POLQ: variants seen among roughly 807,000 people sequenced by gnomAD.
The protein encoded by POLQ is epididymis secretory sperm binding protein.
Under a neutral mutation model 259.2 loss-of-function variants are expected in POLQ, and 233 were observed. That is an observed-to-expected ratio of 0.90 (90% CI 0.81 to 1.00). The LOEUF is 1.00. Ranked by LOEUF, POLQ falls within the 50% of genes least tolerant of loss-of-function variation. The pLI is 0.00. For missense variants in POLQ, 2,871 were observed against 3,051.6 expected, an observed-to-expected ratio of 0.94 and a Z score of 1.39; for synonymous variants, 1,025 against 1,048.8, an observed-to-expected ratio of 0.98 and a Z score of 0.44.
intron 28 of POLQ, among the ~76,000 whole-genome samples, chr3:121,433,379 T>TA (rs1264892874): frequency 2.0e-5 from 3 of 152,144 alleles, no homozygotes; most frequent in Non-Finnish European, 4.4e-5. Flanking sequence ...ACCAGGGAGG[T>TA]ATGGGGCCTG....
rs532438012 is a variant in POLQ, at chr3:121,434,272, A to G, written c.7544-1239T>C. On this transcript the variant is annotated intron_variant, in intron 28 of 29. Coordinates refer to ENST00000264233, the MANE Select transcript of POLQ (RefSeq NM_199420.4). ...TGCTACTTTAAGCTGGCATGACATC[A>G]TGAAGCCATCCTCAGCGACAGAGCC... Among the ~76,000 whole-genome samples, 29 of 152,314 alleles carry G rather than the reference A, an allele frequency of 1.9e-4. No homozygotes were observed. The South Asian group carries it at 6.0e-3, about 32-fold the overall frequency.
At chr3:121,459,378 T>TG (rs2108783681) in intron 25 of POLQ, among the ~76,000 whole-genome samples, 1 of 144,694 alleles carries the variant, frequency 6.9e-6, no homozygotes, top group African/African-American at 2.6e-5. Context: ...GATTTTTTTT[T>TG]TTTTTTTTTT....
intron 26 of POLQ, among the ~76,000 whole-genome samples, chr3:121,442,215 T>C (rs1277872632): frequency 6.6e-6 from 1 of 152,228 alleles, no homozygotes; most frequent in Admixed American, 6.5e-5. Flanking sequence ...TGAGATATTA[T>C]GATACAGGCA....
chr3:121,487,210 T>C (rs1441076008), intron 16 of POLQ, 92 bp downstream of exon 16: 6 of 690,832 alleles, frequency 8.7e-6, no homozygotes, highest in Non-Finnish European at 1.4e-5. Context: ...GAATAGATTA[T>C]ATTTAATATC....
intron 10 of POLQ, 86 bp from the exon 11 acceptor site, chr3:121,510,329 G>C (rs552766508): frequency 8.5e-5 from 75 of 885,934 alleles, no homozygotes; most frequent in Non-Finnish European, 1.3e-4. Flanking sequence ...TGTAATCCCA[G>C]CACTTTGGGA....
At chr3:121,479,554 C>T (rs946576012) in intron 19 of POLQ, among the ~76,000 whole-genome samples, 14 of 152,138 alleles carry the variant, frequency 9.2e-5, no homozygotes, top group Middle Eastern at 3.4e-3. Flanking sequence ...CCTCCGCCTC[C>T]GGTATTCTCG....
chr3:121,488,338 G>A lies in POLQ; in HGVS notation c.4593C>T (p.Asp1531=), dbSNP rs1381936832. ...HFSDSLCLQE[D]LIKKSNVNEN... ...CATTTACATTTGATTTTTTAATTAG[G>A]TCTTCTTGTAGACACAGAGAATCAC... The change falls in exon 16 of 30, where the codon GAC becomes GAT. Residue 1531 remains aspartate, a synonymous_variant. Coordinates refer to ENST00000264233, the MANE Select transcript of POLQ (RefSeq NM_199420.4). The A allele has an allele frequency of 1.2e-6, 2 of 1,612,548 alleles. No individual in the cohort carries two copies. Among genetic ancestry groups the A allele is most frequent in the East Asian group, 4.5e-5 (2 of 44,864 alleles).
At chr3:121,451,679 G>A (rs1166041296) in intron 25 of POLQ, among the ~76,000 whole-genome samples, 1 of 152,224 alleles carries the variant, frequency 6.6e-6, no homozygotes, top group Non-Finnish European at 1.5e-5. Flanking sequence ...CTGGCCGTGT[G>A]AGGTGTCAGC....
intron 29 of POLQ, 22 bp from the exon 30 acceptor site, chr3:121,432,439 T>G: frequency 6.3e-7 from 1 of 1,597,844 alleles, no homozygotes; most frequent in Non-Finnish European, 8.5e-7. Flanking sequence ...AAAAATGTAG[T>G]TAACAAACTG....
At chr3:121,545,415 T>C (rs913688745) in intron 1 of POLQ, among the ~76,000 whole-genome samples, 4 of 152,190 alleles carry the variant, frequency 2.6e-5, no homozygotes, top group African/African-American at 7.2e-5. Context: ...TAAGGAGTAC[T>C]GGGTACTACC....
In POLQ at chr3:121,449,255, T is replaced by A. The variant is rs1395739280; in HGVS notation, c.7264+60A>T. The A allele has an allele frequency of 1.4e-5, 12 of 884,824 alleles. No homozygotes were observed. The East Asian group carries it at 3.0e-4, about 22-fold the overall frequency. 54.8% of individuals were successfully genotyped at this position (884,824 alleles called of 1,614,324 possible). A position where few individuals can be genotyped will look rare whatever the true frequency, so the allele number is the denominator to read the frequency against. ...TCAAAAGAAAATTCCATTACACAAA[T>A]TTTTAAAAATATAATATGGTAAGAT... is the stretch of plus-strand genomic sequence containing the variant. On this transcript the variant is annotated intron_variant, in intron 26 of 29. Transcript: ENST00000264233.
intron 12 of POLQ, among the ~76,000 whole-genome samples, chr3:121,501,547 T>C (rs2048168095): frequency 6.9e-6 from 1 of 145,944 alleles, no homozygotes; most frequent in Non-Finnish European, 1.5e-5. Flanking sequence ...TAGTCCCAGC[T>C]ACTTGGGAGG....
At chr3:121,455,530 A>G (rs932820638) in intron 25 of POLQ, among the ~76,000 whole-genome samples, 17 of 18,526 alleles carry the variant, frequency 9.2e-4, no homozygotes, top group Non-Finnish European at 1.8e-3. Flanking sequence ...AATAGACACA[A>G]AAAAAAAAGG....
Position 121,477,573 on chromosome 3 carries a change from T to G in POLQ, c.6212-840A>C, listed in dbSNP as rs116223776. Among the ~76,000 whole-genome samples the G allele has an allele frequency of 8.1e-3, 1,233 of 152,290 alleles. 15 individuals carry two copies. The highest frequency in any genetic ancestry group is 0.028 in the African/African-American group (1,171 of 41,558). ...AGAGGACCTGAAGCAAAGACAACTA[T>G]TTAATTTTATTTTAAGTGAAAGTCC... On this transcript the variant is annotated intron_variant, in intron 19 of 29. Transcript: ENST00000264233.
chr3:121,486,216 G>T (rs999623554), intron 16 of POLQ, among the ~76,000 whole-genome samples: 4 of 152,186 alleles, frequency 2.6e-5, no homozygotes, highest in Non-Finnish European at 4.4e-5. Flanking sequence ...ATGTAATTTT[G>T]TAATTACATA....
intron 24 of POLQ, among the ~76,000 whole-genome samples, chr3:121,466,328 T>C (rs922187727): frequency 4.1e-5 from 6 of 147,768 alleles, no homozygotes; most frequent in African/African-American, 1.3e-4. Context: ...AAAACTCTGT[T>C]GCACTTCAGC....
At chr3:121,469,185 C>CAA (rs36073350) in intron 22 of POLQ, among the ~76,000 whole-genome samples, 1,775 of 112,956 alleles carry the variant, frequency 0.016, 30 homozygotes, top group East Asian at 0.04. Context: ...GAGACTGTCT[C>CAA]AAAAAAAAAA....
chr3:121,510,965 C>T (rs556078698), intron 10 of POLQ, among the ~76,000 whole-genome samples: 8 of 152,072 alleles, frequency 5.3e-5, no homozygotes, highest in Non-Finnish European at 1.2e-4. Context: ...CAGTAGCTCA[C>T]GCCCGTAATC....
chr3:121,457,610 T>C (rs562434847), intron 25 of POLQ, among the ~76,000 whole-genome samples: 3 of 152,296 alleles, frequency 2.0e-5, no homozygotes, highest in African/African-American at 7.2e-5. Context: ...AAGACATTTA[T>C]GTAGCCAAAA....
Sources: allele counts gnomAD v4.1 joint callset (sites outside exome capture counted in the v4.1 genomes callset), GRCh38; gene constraint gnomAD v4.1.1; transcripts MANE v1.5; gene names NCBI Gene and HGNC (gene_info 2026-07-23, HGNC 2026-07-21).